Variants in ZMYND11 observed in about 807,000 individuals in gnomAD.
ZMYND11 encodes the protein zinc finger MYND-type containing 11.
A neutral mutation model predicts 84.9 loss-of-function variants in ZMYND11; 9 were observed. That is an observed-to-expected ratio of 0.11 (90% CI 0.06 to 0.18). ZMYND11 has a LOEUF of 0.18. Ranked by LOEUF, ZMYND11 falls within the 10% of genes least tolerant of loss-of-function variation. The pLI, the probability that ZMYND11 is intolerant of heterozygous loss-of-function variation, is 1.00. For missense variants in ZMYND11, 409 were observed against 761.0 expected, an observed-to-expected ratio of 0.54 and a Z score of 5.44; for synonymous variants, 250 against 244.1, an observed-to-expected ratio of 1.02 and a Z score of -0.23.
At chr10:183,072 G>A (rs919869113) in intron 2 of ZMYND11, among the ~76,000 whole-genome samples, 4 of 152,098 alleles carry the variant, frequency 2.6e-5, no homozygotes, top group Non-Finnish European at 5.9e-5. Flanking sequence ...AAAGCTACAC[G>A]GTTTTTGTCA....
chr10:144,640 CTTTTTTTT>C (rs11348115), intron 1 of ZMYND11, among the ~76,000 whole-genome samples: 229 of 110,038 alleles, frequency 2.1e-3, no homozygotes, highest in Non-Finnish European at 3.2e-3. Context: ...GTCTGAATTC[CTTTTTTTT>C]TTTTTTTTTT....
At chr10:196,691 A>T (rs1241762185) in intron 2 of ZMYND11, among the ~76,000 whole-genome samples, 1 of 152,214 alleles carries the variant, frequency 6.6e-6, no homozygotes, top group Non-Finnish European at 1.5e-5. Flanking sequence ...AATGAATATT[A>T]AAAAGGAAAG....
intron 2 of ZMYND11, among the ~76,000 whole-genome samples, chr10:204,648 C>T (rs1333305468): frequency 6.6e-6 from 1 of 152,058 alleles, no homozygotes; most frequent in Non-Finnish European, 1.5e-5. Context: ...CCACAGACAT[C>T]TTTGAATATT....
intron 1 of ZMYND11, among the ~76,000 whole-genome samples, chr10:161,291 T>G (rs907117020): frequency 1.8e-4 from 27 of 152,236 alleles, no homozygotes; most frequent in African/African-American, 6.5e-4. Flanking sequence ...GCAGAAAGTC[T>G]CAACAGTGAG....
intron 4 of ZMYND11, among the ~76,000 whole-genome samples, chr10:229,091 C>G (rs1321904292): frequency 6.6e-6 from 1 of 152,150 alleles, no homozygotes; most frequent in East Asian, 1.9e-4. Context: ...TACAAAGCTG[C>G]TCATATCATG....
At chr10:214,988 A>G (rs1184296021) in intron 3 of ZMYND11, among the ~76,000 whole-genome samples, 1 of 152,252 alleles carries the variant, frequency 6.6e-6, no homozygotes, top group Non-Finnish European at 1.5e-5. Flanking sequence ...AATGTAATAC[A>G]CTAAGGCAGG....
rs1341885496 is a variant in ZMYND11, at chr10:238,967, C to CT, written c.610-470dup. Among the ~76,000 whole-genome samples the CT allele has an allele frequency of 3.3e-5, 5 of 152,224 alleles. No homozygotes were observed. The East Asian group carries it at 7.7e-4, about 23-fold the overall frequency. On this transcript the variant is annotated intron_variant, in intron 6 of 14. Transcript: ENST00000381604. The stretch of plus-strand genomic sequence containing the variant: ...TTTAAAATTATTTATAAACCAATTC[C>CT]TAGCCCCAATTCAGAACTATAAATA...
At chr10:232,834 A>G (rs762736182) in intron 4 of ZMYND11, among the ~76,000 whole-genome samples, 5 of 152,236 alleles carry the variant, frequency 3.3e-5, no homozygotes, top group Non-Finnish European at 7.3e-5. Context: ...CATAACTCCC[A>G]TAGCACTGTT....
intron 2 of ZMYND11, among the ~76,000 whole-genome samples, chr10:200,205 G>GGGGTGTGTGT (rs1554774397): frequency 3.0e-5 from 4 of 132,434 alleles, no homozygotes; most frequent in African/African-American, 8.3e-5. Context: ...GCCTGGCTAG[G>GGGGTGTGTGT]GTGTGTGTGT....
intron 12 of ZMYND11, among the ~76,000 whole-genome samples, chr10:247,969 T>A (rs954637394): frequency 6.6e-6 from 1 of 152,254 alleles, no homozygotes; most frequent in South Asian, 2.1e-4. Context: ...AATGTGTTAA[T>A]GAATCTAGTC....
At chr10:139,049 G>A (rs535946136) in intron 1 of ZMYND11, among the ~76,000 whole-genome samples, 1 of 151,852 alleles carries the variant, frequency 6.6e-6, no homozygotes, top group African/African-American at 2.4e-5. Flanking sequence ...CAAATGATCC[G>A]CCTGCCTTGG....
intron 1 of ZMYND11, among the ~76,000 whole-genome samples, chr10:160,635 T>A (rs1554761463): frequency 6.6e-6 from 1 of 152,212 alleles, no homozygotes; most frequent in Non-Finnish European, 1.5e-5. Flanking sequence ...CTTTATCAAC[T>A]AAGTTTATGG....
In ZMYND11 at chr10:248,319, CTT is replaced by C. The variant is rs1267236652; in HGVS notation, c.1228-16_1228-15del. 6.8e-6 allele frequency: 11 copies of C among 1,608,982 alleles called. No individual in the cohort carries two copies. The highest frequency in any genetic ancestry group is 1.3e-5 in the African/African-American group (1 of 74,678). ...TGTGGCTTCGTTTGGCGTCTAAACT[CTT>C]GTCTCACCTTTTAGGAACCAGAGCC... On this transcript the variant is annotated splice_polypyrimidine_tract_variant and intron_variant, in intron 12 of 14. Transcript: ENST00000381604.
chr10:144,972 A>G (rs893346623), intron 1 of ZMYND11, among the ~76,000 whole-genome samples: 8 of 150,884 alleles, frequency 5.3e-5, no homozygotes, highest in Non-Finnish European at 1.0e-4. Flanking sequence ...ACTACTGTGT[A>G]TGCCTTTGTG....
chr10:176,458 T>G (rs1370683867), intron 1 of ZMYND11, among the ~76,000 whole-genome samples: 1 of 152,136 alleles, frequency 6.6e-6, no homozygotes, highest in Non-Finnish European at 1.5e-5. Context: ...TAAATGAAGG[T>G]TCACTCTGGG....
intron 2 of ZMYND11, among the ~76,000 whole-genome samples, chr10:191,528 C>T (rs1364437578): frequency 6.6e-6 from 1 of 152,224 alleles, no homozygotes; most frequent in East Asian, 1.9e-4. Flanking sequence ...GAACCAAGTG[C>T]TTCAGGATGT....
At chr10:220,528 G>T (rs931404715) in intron 3 of ZMYND11, among the ~76,000 whole-genome samples, 3 of 152,186 alleles carry the variant, frequency 2.0e-5, no homozygotes, top group African/African-American at 7.2e-5. Flanking sequence ...AATAGCCCCA[G>T]TCAGGAAATA....
intron 4 of ZMYND11, among the ~76,000 whole-genome samples, chr10:225,442 C>T (rs1278149105): frequency 6.6e-6 from 1 of 152,166 alleles, no homozygotes; most frequent in Admixed American, 6.5e-5. Flanking sequence ...CCTCAACCTC[C>T]TGGGCCAGCC....
upstream of ZMYND11, among the ~76,000 whole-genome samples, chr10:134,073 A>T (rs1413242842): frequency 1.3e-5 from 2 of 152,198 alleles, no homozygotes; most frequent in Admixed American, 6.5e-5. Context: ...CAAGACGGCC[A>T]ATAGATACCT....
Sources: allele counts gnomAD v4.1 joint callset (sites outside exome capture counted in the v4.1 genomes callset), GRCh38; gene constraint gnomAD v4.1.1; transcripts MANE v1.5; gene names NCBI Gene and HGNC (gene_info 2026-07-23, HGNC 2026-07-21).